Variants in KCNAB1 observed in about 807,000 individuals in gnomAD.
The protein encoded by KCNAB1 is potassium voltage-gated channel subfamily A regulatory beta subunit 1.
In KCNAB1, 35 loss-of-function variants were observed where a neutral mutation model predicts 64.6. The ratio of observed to expected loss-of-function variants is 0.54; its 90% CI spans 0.41 to 0.72. KCNAB1 has a LOEUF of 0.72. Ranked by LOEUF, KCNAB1 falls within the 30% of genes least tolerant of loss-of-function variation. The pLI is 0.00. For synonymous variants in KCNAB1, 177 were observed against 183.8 expected, an observed-to-expected ratio of 0.96 and a Z score of 0.30; for missense variants, 401 against 512.9, an observed-to-expected ratio of 0.78 and a Z score of 2.11.
At chr3:156,291,923 G>A in intron 1 of KCNAB1, 1 of 1,614,110 alleles carries the variant, frequency 6.2e-7, no homozygotes, top group Non-Finnish European at 8.5e-7. Context: ...AGTCTCCATA[G>A]CCTGCACAGA....
intron 8 of KCNAB1, among the ~76,000 whole-genome samples, chr3:156,495,787 AC>A (rs1715971151): frequency 6.6e-6 from 1 of 152,188 alleles, no homozygotes; most frequent in South Asian, 2.1e-4. Flanking sequence ...ATTGCTAGGC[AC>A]CTTACAGGTA....
intron 1 of KCNAB1, among the ~76,000 whole-genome samples, chr3:156,138,600 C>T (rs1017944428): frequency 6.6e-5 from 10 of 152,202 alleles, no homozygotes; most frequent in African/African-American, 2.4e-4. Context: ...ATCTCACGAG[C>T]CTGGTATCTT....
intron 1 of KCNAB1, chr3:156,215,433 C>T (rs550650685): frequency 2.6e-4 from 39 of 152,298 alleles, no homozygotes; most frequent in African/African-American, 9.4e-4. Flanking sequence ...CCTATACATC[C>T]AGTTAATAGA....
intron 1 of KCNAB1, among the ~76,000 whole-genome samples, chr3:156,366,047 G>T (rs1409505917): frequency 6.7e-6 from 1 of 149,784 alleles, no homozygotes; most frequent in African/African-American, 2.6e-5. Flanking sequence ...ATTAATGAAA[G>T]AAAGTAGAAG....
chr3:156,144,088 GAAGAA>G (rs1714898951), intron 1 of KCNAB1, among the ~76,000 whole-genome samples: 1 of 152,144 alleles, frequency 6.6e-6, no homozygotes, highest in Admixed American at 6.5e-5. Context: ...TCTGTGATGG[GAAGAA>G]TCTTTCCTAT....
At position 156,131,156 on chromosome 3, in the gene KCNAB1, CCAGGGATTTT is replaced by C. The variant is rs1381940662; in HGVS notation, c.275+10271_275+10280del. Among the ~76,000 whole-genome samples, 19 of 152,272 alleles carry C rather than the reference CCAGGGATTTT, an allele frequency of 1.2e-4. No individual in the cohort carries two copies. In the South Asian group the frequency reaches 1.7e-3, roughly 13 times the overall value. ...CTGAATGGCATGTGCTAATGTCCTGCCAGGGATTTTTACCATTGTATTGTGTGTTTTTGCT... is the reference window on the plus strand; with the variant it reads ...CTGAATGGCATGTGCTAATGTCCTGCTACCATTGTATTGTGTGTTTTTGCT... On this transcript the variant is annotated intron_variant, in intron 1 of 13. Coordinates refer to ENST00000490337, the MANE Select transcript of KCNAB1 (RefSeq NM_172160.3).
intron 1 of KCNAB1, among the ~76,000 whole-genome samples, chr3:156,265,084 C>T (rs1718622529): frequency 6.6e-6 from 1 of 152,106 alleles, no homozygotes; most frequent in African/African-American, 2.4e-5. Context: ...GATCTGAGTT[C>T]CAGTTGAATT....
intron 1 of KCNAB1, among the ~76,000 whole-genome samples, chr3:156,149,691 C>T (rs915855372): frequency 1.3e-5 from 2 of 152,176 alleles, no homozygotes; most frequent in Non-Finnish European, 2.9e-5. Context: ...TAACGCCATC[C>T]TCTCAAAGAG....
intron 1 of KCNAB1, among the ~76,000 whole-genome samples, chr3:156,223,600 CA>C (rs1196356259): frequency 6.6e-6 from 1 of 152,184 alleles, no homozygotes; most frequent in Non-Finnish European, 1.5e-5. Flanking sequence ...GAGCTAGATA[CA>C]GAGTGCTGAT....
chr3:156,122,881 C>G (rs936859763), intron 1 of KCNAB1, among the ~76,000 whole-genome samples: 1 of 152,160 alleles, frequency 6.6e-6, no homozygotes, highest in Non-Finnish European at 1.5e-5. Context: ...TTTTTCTCAT[C>G]GCCAGCAACT....
intron 1 of KCNAB1, among the ~76,000 whole-genome samples, chr3:156,234,897 T>A (rs1716761398): frequency 6.6e-6 from 1 of 152,214 alleles, no homozygotes; most frequent in African/African-American, 2.4e-5. Flanking sequence ...AATGTGACCA[T>A]AACTATCTCT....
At chr3:156,499,366 C>A (rs1004299447) in intron 8 of KCNAB1, among the ~76,000 whole-genome samples, 1 of 152,198 alleles carries the variant, frequency 6.6e-6, no homozygotes, top group East Asian at 1.9e-4. Context: ...ATTTCTAGGA[C>A]CCTCAGTTTT....
intron 1 of KCNAB1, among the ~76,000 whole-genome samples, chr3:156,276,828 A>C (rs1246672520): frequency 6.6e-6 from 1 of 152,184 alleles, no homozygotes; most frequent in African/African-American, 2.4e-5. Flanking sequence ...CAAACCGCTA[A>C]AACTTTTTCG....
intron 1 of KCNAB1, among the ~76,000 whole-genome samples, chr3:156,281,661 C>T (rs1263732029): frequency 1.3e-5 from 2 of 152,040 alleles, no homozygotes; most frequent in Non-Finnish European, 2.9e-5. Flanking sequence ...TTGGGCTATT[C>T]AGAGATTCAA....
At chr3:156,283,478 C>A (rs1000435466) in intron 1 of KCNAB1, among the ~76,000 whole-genome samples, 310 of 148,386 alleles carry the variant, frequency 2.1e-3, no homozygotes, top group Non-Finnish European at 3.8e-3. Flanking sequence ...ATCTTTGTGG[C>A]GTTCTCTGTA....
chr3:156,225,544 C>T (rs766482795), intron 1 of KCNAB1, among the ~76,000 whole-genome samples: 3 of 152,158 alleles, frequency 2.0e-5, no homozygotes, highest in Admixed American at 1.3e-4. Flanking sequence ...CACTTCTACT[C>T]AACATAGTAC....
At chr3:156,264,124 A>G (rs2108483026) in intron 1 of KCNAB1, among the ~76,000 whole-genome samples, 1 of 152,218 alleles carries the variant, frequency 6.6e-6, no homozygotes, top group East Asian at 1.9e-4. Flanking sequence ...GTCATATTTT[A>G]CTAATGTACT....
chr3:156,234,368 C>T (rs914290913), intron 1 of KCNAB1, among the ~76,000 whole-genome samples: 6 of 152,054 alleles, frequency 3.9e-5, no homozygotes, highest in African/African-American at 1.4e-4. Context: ...ACTGCTGCAG[C>T]AATTTCCACA....
At chr3:156,430,052 C>T (rs572448366) in intron 2 of KCNAB1, among the ~76,000 whole-genome samples, 2 of 152,206 alleles carry the variant, frequency 1.3e-5, no homozygotes, top group African/African-American at 4.8e-5. Flanking sequence ...TAGTTTCCTA[C>T]TTTTATGGAT....
Sources: gnomAD v4.1 joint callset for allele counts (sites outside exome capture counted in the v4.1 genomes callset) on GRCh38, gnomAD v4.1.1 for gene constraint, MANE v1.5 for transcripts, NCBI Gene and HGNC (gene_info 2026-07-23, HGNC 2026-07-21) for gene names.